MGAT4C: variants seen among roughly 807,000 people sequenced by gnomAD.
MGAT4C encodes the protein MGAT4 family member C, also known as alpha-1,3-mannosyl-glycoprotein 4-beta-N-acetylglucosaminyltransferase C.
MGAT4C carries 19 observed loss-of-function variants against 40.1 expected under a neutral mutation model. That is an observed-to-expected ratio of 0.47 (90% CI 0.33 to 0.70). MGAT4C has a LOEUF of 0.70. MGAT4C is among the 30% of genes least tolerant of loss of function. The probability of loss-of-function intolerance (pLI) is 0.02; values close to 1 mark genes in which losing one functional copy is unlikely to be tolerated. For synonymous variants in MGAT4C, 181 were observed against 187.1 expected, an observed-to-expected ratio of 0.97 and a Z score of 0.27; for missense variants, 491 against 563.2, an observed-to-expected ratio of 0.87 and a Z score of 1.30.
intron 4 of MGAT4C, among the ~76,000 whole-genome samples, chr12:86,317,029 AGAAGGAAG>A (rs550658171): frequency 2.0e-5 from 3 of 151,968 alleles, no homozygotes; most frequent in Admixed American, 6.6e-5. Flanking sequence ...AAGGGACAAA[AGAAGGAAG>A]GAAGGAAGGA....
At chr12:86,401,079 A>C (rs973779675) in intron 3 of MGAT4C, among the ~76,000 whole-genome samples, 27 of 152,098 alleles carry the variant, frequency 1.8e-4, no homozygotes, top group African/African-American at 6.0e-4. Context: ...AATAATTTTG[A>C]ATTTATCTCA....
intron 2 of MGAT4C, among the ~76,000 whole-genome samples, chr12:86,465,610 C>T (rs1447815119): frequency 6.6e-6 from 1 of 151,978 alleles, no homozygotes; most frequent in Non-Finnish European, 1.5e-5. Flanking sequence ...ACACAGATGA[C>T]AAAGAGCATA....
chr12:86,024,496 C>A (rs564652269), intron 2 of MGAT4C, among the ~76,000 whole-genome samples: 37 of 151,868 alleles, frequency 2.4e-4, no homozygotes, highest in Middle Eastern at 3.4e-3. Context: ...TGTAAAATTA[C>A]TGCTCTTACA....
intron 3 of MGAT4C, among the ~76,000 whole-genome samples, chr12:86,344,779 G>A (rs1046533194): frequency 6.1e-5 from 9 of 146,848 alleles, no homozygotes; most frequent in Non-Finnish European, 9.0e-5. Flanking sequence ...TGTGTGTAGC[G>A]GCAAGAGGGG....
At chr12:86,594,331 T>C (rs1961447446) in intron 2 of MGAT4C, among the ~76,000 whole-genome samples, 1 of 152,108 alleles carries the variant, frequency 6.6e-6, no homozygotes, top group Non-Finnish European at 1.5e-5. Flanking sequence ...GAGTTGTTTA[T>C]CAATTTTAGT....
chr12:86,640,472 A>G (rs143837303), intron 2 of MGAT4C, among the ~76,000 whole-genome samples: 1,729 of 151,636 alleles, frequency 0.011, 19 homozygotes, highest in East Asian at 0.038. Context: ...TTTTTATTGC[A>G]TCTATTTGAT....
At chr12:86,442,401 A>G (rs1957249003) in intron 2 of MGAT4C, among the ~76,000 whole-genome samples, 1 of 152,128 alleles carries the variant, frequency 6.6e-6, no homozygotes, top group Non-Finnish European at 1.5e-5. Context: ...TTGGTGTTTT[A>G]GACATGAAGT....
At chr12:86,658,640 C>A (rs1230502290) in intron 2 of MGAT4C, among the ~76,000 whole-genome samples, 1 of 152,064 alleles carries the variant, frequency 6.6e-6, no homozygotes, top group African/African-American at 2.4e-5. Flanking sequence ...TCTGAAACAG[C>A]CTCACAAACT....
At chr12:86,343,866 T>C (rs1383015454) in intron 3 of MGAT4C, among the ~76,000 whole-genome samples, 17 of 152,154 alleles carry the variant, frequency 1.1e-4, no homozygotes, top group Admixed American at 1.1e-3. Context: ...TCTTTTCATT[T>C]TTGAATGTGT....
rs1883132785 is a variant in MGAT4C at position 85,961,927 on chromosome 12, T to G, written c.*17362A>C. The G allele has an allele frequency of 6.6e-6, 1 of 151,902 alleles. No individual in the cohort carries two copies. Among genetic ancestry groups the G allele is most frequent in the African/African-American group, 2.4e-5 (1 of 41,438 alleles). The allele number at this position is 151,902 out of a possible 1,614,324, so 9.4% of individuals were successfully genotyped here. ...TTAATTACCCATTGTCAAAAATCAT[T>G]GCCCATCAAAGCAGTGAGACTGTGT... is the stretch of plus-strand genomic sequence containing the variant. On this transcript the variant is annotated 3_prime_UTR_variant, in exon 5 of 5. Coordinates refer to ENST00000611864, the MANE Select transcript of MGAT4C (RefSeq NM_001351288.2).
intron 4 of MGAT4C, among the ~76,000 whole-genome samples, chr12:86,292,615 A>T (rs1953551716): frequency 6.6e-6 from 1 of 152,126 alleles, no homozygotes; most frequent in South Asian, 2.1e-4. Context: ...TGTCATAGGT[A>T]ATGTGATGTC....
intron 2 of MGAT4C, among the ~76,000 whole-genome samples, chr12:86,665,660 C>T (rs937024175): frequency 5.9e-5 from 9 of 152,024 alleles, no homozygotes; most frequent in East Asian, 5.8e-4. Flanking sequence ...CGTGAGCCAC[C>T]GCTCCCAGCC....
intron 4 of MGAT4C, among the ~76,000 whole-genome samples, chr12:86,289,481 G>A (rs941673648): frequency 2.0e-5 from 3 of 151,980 alleles, no homozygotes; most frequent in Non-Finnish European, 4.4e-5. Flanking sequence ...TAATGAATCT[G>A]TAAATTGCTT....
At chr12:86,067,750 GTATT>G (rs1894694421) in intron 1 of MGAT4C, among the ~76,000 whole-genome samples, 1 of 152,050 alleles carries the variant, frequency 6.6e-6, no homozygotes, top group Admixed American at 6.6e-5. Flanking sequence ...TGTTTCTTTA[GTATT>G]TATTTCATTA....
chr12:86,210,494 T>G (rs1193289735), intron 1 of MGAT4C, among the ~76,000 whole-genome samples: 1 of 152,202 alleles, frequency 6.6e-6, no homozygotes, highest in African/African-American at 2.4e-5. Context: ...AAGCTCAGCT[T>G]TAGTCCAGAG....
At chr12:86,250,319 C>T (rs1952216501) in intron 1 of MGAT4C, among the ~76,000 whole-genome samples, 2 of 127,938 alleles carry the variant, frequency 1.6e-5, no homozygotes, top group African/African-American at 3.0e-5. Flanking sequence ...GCAACCTACA[C>T]ACACACACAC....
At chr12:86,720,255 C>T (rs932420563) in intron 2 of MGAT4C, among the ~76,000 whole-genome samples, 1 of 152,012 alleles carries the variant, frequency 6.6e-6, no homozygotes, top group African/African-American at 2.4e-5. Context: ...TAGCTAAAGT[C>T]TCCGAAATCA....
intron 3 of MGAT4C, among the ~76,000 whole-genome samples, chr12:86,419,028 A>C (rs1322535212): frequency 6.6e-6 from 1 of 152,152 alleles, no homozygotes; most frequent in Non-Finnish European, 1.5e-5. Context: ...GTTATTGCAA[A>C]AGACGTTACA....
chr12:86,544,750 T>C (rs907820908), intron 2 of MGAT4C, among the ~76,000 whole-genome samples: 2 of 152,066 alleles, frequency 1.3e-5, no homozygotes, highest in East Asian at 1.9e-4. Flanking sequence ...AGACATAGCA[T>C]AGGATTAAAG....
Sources: gnomAD v4.1 joint callset for allele counts (sites outside exome capture counted in the v4.1 genomes callset) on GRCh38, gnomAD v4.1.1 for gene constraint, MANE v1.5 for transcripts, NCBI Gene and HGNC (gene_info 2026-07-23, HGNC 2026-07-21) for gene names.